Variants in ARHGAP18 observed in about 807,000 individuals in gnomAD.
The protein encoded by ARHGAP18 is Rho GTPase activating protein 18.
ARHGAP18 carries 67 observed loss-of-function variants against 86.2 expected under a neutral mutation model. The ratio of observed to expected loss-of-function variants is 0.78; its 90% CI spans 0.64 to 0.95. ARHGAP18 has a LOEUF of 0.95. Among genes scored for constraint, ARHGAP18 ranks in the 40% least tolerant of loss-of-function variants. The pLI, the probability that ARHGAP18 is intolerant of heterozygous loss-of-function variation, is 0.00. For missense variants in ARHGAP18, 691 were observed against 780.4 expected (o/e 0.89, Z 1.37); for synonymous variants, 283 against 280.4 (o/e 1.01, Z -0.09).
chr6:129,586,149 T>C (rs1389580783), intron 12 of ARHGAP18, among the ~76,000 whole-genome samples: 1 of 152,224 alleles, frequency 6.6e-6, no homozygotes, highest in Non-Finnish European at 1.5e-5. Context: ...GGGTTTGAAC[T>C]CTAGGTTATT....
In ARHGAP18 at chr6:129,580,016, C is replaced by G. The variant is rs188300275; in HGVS notation, c.1900+54G>C. On this transcript the variant is annotated intron_variant, in intron 14 of 14. Transcript: ENST00000368149. ...TTCCTCCAAAGACATAAATAATAAC[C>G]ACTGGCAATATCAAAACAGCATATA... is the stretch of plus-strand genomic sequence containing the variant. 11 of 1,406,476 alleles carry G rather than the reference C, an allele frequency of 7.8e-6. No individual in the cohort carries two copies. The East Asian group carries it at 2.3e-4, about 30-fold the overall frequency. The allele number at this position is 1,406,476 out of a possible 1,614,324, so 87.1% of individuals were successfully genotyped here. A position where few individuals can be genotyped will look rare whatever the true frequency, so the allele number is the denominator to read the frequency against.
At chr6:129,605,623 G>A (rs1404224583) in intron 10 of ARHGAP18, among the ~76,000 whole-genome samples, 8 of 151,546 alleles carry the variant, frequency 5.3e-5, no homozygotes, top group Non-Finnish European at 1.0e-4. Context: ...ATTAACCGAC[G>A]AACCTCAATC....
intron 12 of ARHGAP18, among the ~76,000 whole-genome samples, chr6:129,596,380 C>A (rs1238015474): frequency 6.6e-6 from 1 of 152,114 alleles, no homozygotes; most frequent in Non-Finnish European, 1.5e-5. Flanking sequence ...CAACTCCCTG[C>A]CCTTCTTCTT....
intron 1 of ARHGAP18, among the ~76,000 whole-genome samples, chr6:129,678,509 G>A (rs1584109148): frequency 6.6e-6 from 1 of 152,098 alleles, no homozygotes; most frequent in South Asian, 2.1e-4. Context: ...CCATGTAAAA[G>A]GTATCTGGGG....
intron 8 of ARHGAP18, among the ~76,000 whole-genome samples, chr6:129,609,166 G>C (rs1330444254): frequency 6.6e-6 from 1 of 151,934 alleles, no homozygotes; most frequent in East Asian, 1.9e-4. Context: ...ATCCAGAGAA[G>C]AGAGGCAGAA....
At position 129,668,362 on chromosome 6, in the gene ARHGAP18, T is replaced by TCACACACACACA. The variant is rs35153109; in HGVS notation, c.114-26356_114-26345dup. On this transcript the variant is annotated intron_variant, in intron 1 of 14. Transcript: ENST00000368149. ...CCAAACCATCAATTTACCCAAATAA[T>TCACACACACACA]CACACACACACACACACACACACAC... 6.7e-3 allele frequency among the ~76,000 whole-genome samples: 922 copies of TCACACACACACA among 137,796 alleles called. 9 individuals carry two copies. Among genetic ancestry groups the TCACACACACACA allele is most frequent in the East Asian group, 0.019 (82 of 4,380 alleles). 90.4% of individuals were successfully genotyped at this position (137,796 alleles called of 152,430 possible).
chr6:129,662,226 G>A (rs766825762), intron 1 of ARHGAP18, among the ~76,000 whole-genome samples: 12 of 152,308 alleles, frequency 7.9e-5, no homozygotes, highest in South Asian at 2.1e-4. Flanking sequence ...GGAGGATAGC[G>A]CACATGAATA....
In ARHGAP18 at chr6:129,677,324, C is replaced by T. The variant is rs1184541290; in HGVS notation, c.113+32700G>A. The stretch of plus-strand genomic sequence containing the variant: ...AGGAGAATGGCGTGAACCCGGGAGG[C>T]GGAGCTTGCAGTGAGCCGAGATCGC... On this transcript the variant is annotated intron_variant, in intron 1 of 14. Transcript: ENST00000368149. 5.9e-5 allele frequency among the ~76,000 whole-genome samples: 9 copies of T among 151,646 alleles called. No homozygotes were observed. The East Asian group carries it at 1.8e-3, about 30-fold the overall frequency.
chr6:129,629,146 G>A (rs1442514531), intron 5 of ARHGAP18, among the ~76,000 whole-genome samples: 1 of 152,006 alleles, frequency 6.6e-6, no homozygotes, highest in Non-Finnish European at 1.5e-5. Flanking sequence ...GACTTTGGGA[G>A]GCTGAGGTGG....
intron 1 of ARHGAP18, among the ~76,000 whole-genome samples, chr6:129,653,622 A>G (rs80335287): frequency 0.01 from 1,553 of 152,362 alleles, 31 homozygotes; most frequent in African/African-American, 0.036. Flanking sequence ...ATATGTGAAT[A>G]CTACTACAAA....
intron 1 of ARHGAP18, among the ~76,000 whole-genome samples, chr6:129,684,598 A>T (rs1055637736): frequency 4.6e-5 from 7 of 152,244 alleles, no homozygotes; most frequent in Non-Finnish European, 1.0e-4. Context: ...CATACACACC[A>T]GAACGCATCC....
chr6:129,646,663 T>C (rs1386951924), intron 1 of ARHGAP18, among the ~76,000 whole-genome samples: 1 of 152,222 alleles, frequency 6.6e-6, no homozygotes, highest in Non-Finnish European at 1.5e-5. Flanking sequence ...TTTTATATTT[T>C]TGAAACTGCC....
At chr6:129,644,207 A>C (rs1289450706) in intron 1 of ARHGAP18, among the ~76,000 whole-genome samples, 1 of 152,144 alleles carries the variant, frequency 6.6e-6, no homozygotes, top group African/African-American at 2.4e-5. Context: ...CCTTAATTCA[A>C]GGGGTACTTC....
At chr6:129,674,929 T>C (rs1488628010) in intron 1 of ARHGAP18, among the ~76,000 whole-genome samples, 4 of 152,174 alleles carry the variant, frequency 2.6e-5, no homozygotes, top group Non-Finnish European at 5.9e-5. Context: ...TTTTATAAGG[T>C]GTCGCCTCCA....
intron 1 of ARHGAP18, among the ~76,000 whole-genome samples, chr6:129,689,953 A>G (rs1468982005): frequency 1.3e-5 from 2 of 152,190 alleles, no homozygotes; most frequent in African/African-American, 2.4e-5. Context: ...TAAACTTGTC[A>G]TCTAATTTCT....
chr6:129,596,471 G>A (rs1304853254), intron 12 of ARHGAP18, among the ~76,000 whole-genome samples: 3 of 152,056 alleles, frequency 2.0e-5, no homozygotes, highest in African/African-American at 7.2e-5. Context: ...CCCTTGTTCT[G>A]TTGTTTTTAT....
chr6:129,578,635 A>G lies in ARHGAP18; in HGVS notation c.1901-31T>C, dbSNP rs1788227853. Reference sequence around the variant, plus strand: ...AAAATAGATGTTGTGTCAGTTTAATACAGCAGGTAGATTGGTATGCAATTT... The same window carrying G: ...AAAATAGATGTTGTGTCAGTTTAATGCAGCAGGTAGATTGGTATGCAATTT... On this transcript the variant is annotated intron_variant, in intron 14 of 14. Transcript: ENST00000368149. 3 of 1,545,542 alleles carry G rather than the reference A, an allele frequency of 1.9e-6. No homozygotes were observed. In the South Asian group the frequency reaches 3.4e-5, roughly 18 times the overall value.
In ARHGAP18 at chr6:129,605,940, C is replaced by T. The variant is rs147754877; in HGVS notation, c.1302G>A (p.Gln434=). 6.1e-5 allele frequency: 98 copies of T among 1,613,546 alleles called. No individual in the cohort carries two copies. The African/African-American group carries it at 1.3e-3, about 21-fold the overall frequency. The change falls in exon 10 of 15, where the codon CAG becomes CAA. Residue 434 remains glutamine, a synonymous_variant. Transcript: ENST00000368149. ...QAVQNLPTKK[Q]QLQALNLLVI... ...CAAGAAGGTTCAAAGCCTGTAGTTG[C>T]TGCTTCTTGGTTGGAAGATCTGCAG... is the stretch of plus-strand genomic sequence containing the variant.
chr6:129,688,741 G>A (rs966968459), intron 1 of ARHGAP18, among the ~76,000 whole-genome samples: 3 of 151,650 alleles, frequency 2.0e-5, no homozygotes, highest in South Asian at 4.2e-4. Context: ...GCAGTGAGCC[G>A]AGATCGCACC....
Sources: gnomAD v4.1 joint callset for allele counts (sites outside exome capture counted in the v4.1 genomes callset) on GRCh38, gnomAD v4.1.1 for gene constraint, MANE v1.5 for transcripts, NCBI Gene and HGNC (gene_info 2026-07-23, HGNC 2026-07-21) for gene names.